NTN1: variants seen among roughly 807,000 people sequenced by gnomAD.
NTN1 encodes the protein netrin 1, also known as netrin-1.
In NTN1, 11 loss-of-function variants were observed where a neutral mutation model predicts 54.2. The observed-to-expected ratio is 0.20, with a 90% CI of 0.13 to 0.34. NTN1 has a LOEUF of 0.34. NTN1 is among the 10% of genes least tolerant of loss of function. The pLI, the probability that NTN1 is intolerant of heterozygous loss-of-function variation, is 1.00. For synonymous variants in NTN1, 371 were observed against 382.0 expected (o/e 0.97, Z 0.33); for missense variants, 740 against 893.1 (o/e 0.83, Z 2.18).
intron 2 of NTN1, among the ~76,000 whole-genome samples, chr17:9,059,924 G>A (rs909244805): frequency 2.6e-5 from 4 of 151,822 alleles, no homozygotes; most frequent in Admixed American, 2.6e-4. Context: ...AGCATGTTTC[G>A]GAGCACTGGG....
chr17:9,138,433 G>T (rs1043312993), intron 2 of NTN1, among the ~76,000 whole-genome samples: 3 of 152,110 alleles, frequency 2.0e-5, no homozygotes, highest in Non-Finnish European at 4.4e-5. Flanking sequence ...CTACTTCCAG[G>T]GGGTAGGTGT....
intron 2 of NTN1, among the ~76,000 whole-genome samples, chr17:9,148,515 G>A (rs1190029739): frequency 1.3e-5 from 2 of 152,172 alleles, no homozygotes; most frequent in Non-Finnish European, 2.9e-5. Context: ...TGTCCTGGAG[G>A]TAGCACTGAC....
chr17:9,055,401 G>A (rs2091975823), intron 2 of NTN1, among the ~76,000 whole-genome samples: 1 of 152,222 alleles, frequency 6.6e-6, no homozygotes, highest in Non-Finnish European at 1.5e-5. Flanking sequence ...TTGGGGTTGA[G>A]CAGCAGAAGT....
At chr17:9,026,148 CCCCA>C (rs2091869831) in intron 2 of NTN1, among the ~76,000 whole-genome samples, 1 of 152,052 alleles carries the variant, frequency 6.6e-6, no homozygotes, top group South Asian at 2.1e-4. Flanking sequence ...TAACCCTGTG[CCCCA>C]CCCTCCCGCA....
chr17:9,160,976 C>G (rs1359272109), intron 2 of NTN1, among the ~76,000 whole-genome samples: 1 of 152,158 alleles, frequency 6.6e-6, no homozygotes, highest in African/African-American at 2.4e-5. Context: ...CAAAACAAAA[C>G]AAACCCAGCA....
At chr17:9,183,027 G>C in intron 5 of NTN1, 58 bp downstream of exon 5, 2 of 1,550,734 alleles carry the variant, frequency 1.3e-6, no homozygotes, top group Non-Finnish European at 1.8e-6. Flanking sequence ...GGGTGGTGGG[G>C]TGGGTTAATG....
At chr17:9,058,010 C>A (rs1311709788) in intron 2 of NTN1, among the ~76,000 whole-genome samples, 2 of 152,222 alleles carry the variant, frequency 1.3e-5, no homozygotes, top group African/African-American at 4.8e-5. Flanking sequence ...GCCTCAGCCT[C>A]CCGAGTAGCT....
At chr17:9,041,962 T>C (rs543399420) in intron 2 of NTN1, among the ~76,000 whole-genome samples, 121 of 151,646 alleles carry the variant, frequency 8.0e-4, no homozygotes, top group African/African-American at 2.4e-3. Context: ...TGAGCTGAGA[T>C]TGGGCCATTG....
intron 1 of NTN1, 39 bp from the exon 2 acceptor site, chr17:9,022,272 G>C (rs2091852171): frequency 8.4e-7 from 1 of 1,195,504 alleles, no homozygotes; most frequent in East Asian, 3.3e-5. Flanking sequence ...TGGAGGGCGC[G>C]GGGCGGGCTG....
intron 6 of NTN1, among the ~76,000 whole-genome samples, chr17:9,226,485 CGGTCTCGTGGGGAGGT>C (rs1905562099): frequency 3.1e-4 from 10 of 32,152 alleles, no homozygotes; most frequent in Admixed American, 1.3e-3. Context: ...CGTGGGGAGG[CGGTCTCGTGGGGAGGT>C]GGTCTCGTGG....
At chr17:9,206,916 ATTGCCTTTTT>A (rs1160366619) in intron 5 of NTN1, among the ~76,000 whole-genome samples, 1 of 152,022 alleles carries the variant, frequency 6.6e-6, no homozygotes, top group Non-Finnish European at 1.5e-5. Context: ...ATTTTCCAAA[ATTGCCTTTTT>A]CTGCCCTTCC....
chr17:9,099,937 C>G (rs1057350298), intron 2 of NTN1, among the ~76,000 whole-genome samples: 2 of 151,888 alleles, frequency 1.3e-5, no homozygotes, highest in African/African-American at 4.8e-5. Context: ...TCCTTTCCAC[C>G]TAGGAACAAT....
intron 2 of NTN1, among the ~76,000 whole-genome samples, chr17:9,104,507 G>A (rs116362776): frequency 0.012 from 1,778 of 152,274 alleles, 27 homozygotes; most frequent in African/African-American, 0.04. Flanking sequence ...GAAGGAGCCC[G>A]GCAGGGGAGC....
chr17:9,004,520 G>T, the NTN1 span, among the ~76,000 whole-genome samples: 1 of 152,342 alleles, frequency 6.6e-6, no homozygotes, highest in South Asian at 2.1e-4. Flanking sequence ...TAAGTGTTGG[G>T]CACGTACGGC....
At chr17:9,161,275 G>A (rs900422930) in intron 2 of NTN1, among the ~76,000 whole-genome samples, 5 of 152,210 alleles carry the variant, frequency 3.3e-5, no homozygotes, top group African/African-American at 1.2e-4. Context: ...GGAGTGTCCT[G>A]GGAGGAAGGG....
chr17:9,215,250 TACACACACACACAC>T (rs58245153), intron 5 of NTN1, among the ~76,000 whole-genome samples: 20 of 138,318 alleles, frequency 1.4e-4, no homozygotes, highest in Middle Eastern at 3.6e-3. Context: ...GCTAGATAGA[TACACACACACACAC>T]ACACACACAC....
intron 2 of NTN1, among the ~76,000 whole-genome samples, chr17:9,089,555 A>G (rs1324146888): frequency 6.6e-6 from 1 of 152,194 alleles, no homozygotes; most frequent in African/African-American, 2.4e-5. Context: ...AGACTGTCTC[A>G]GATGTTCCCT....
At chr17:9,035,521 G>A (rs1183252192) in intron 2 of NTN1, among the ~76,000 whole-genome samples, 1 of 152,136 alleles carries the variant, frequency 6.6e-6, no homozygotes, top group Non-Finnish European at 1.5e-5. Flanking sequence ...CTTCTGCTGG[G>A]TGTGTATCAA....
intron 2 of NTN1, among the ~76,000 whole-genome samples, chr17:9,094,243 C>T (rs1166561589): frequency 6.6e-6 from 1 of 152,080 alleles, no homozygotes; most frequent in Admixed American, 6.6e-5. Flanking sequence ...ATGAATGTAC[C>T]ACAGATTCTG....
Sources: allele counts gnomAD v4.1 joint callset (sites outside exome capture counted in the v4.1 genomes callset), GRCh38; gene constraint gnomAD v4.1.1; transcripts MANE v1.5; gene names NCBI Gene and HGNC (gene_info 2026-07-23, HGNC 2026-07-21).